ARHGAP10: variants seen among roughly 807,000 people sequenced by gnomAD.
ARHGAP10 encodes the protein rho GTPase-activating protein 10.
ARHGAP10 carries 87 observed loss-of-function variants against 108.6 expected under a neutral mutation model. The observed-to-expected ratio is 0.80, with a 90% CI of 0.67 to 0.96. The LOEUF (loss-of-function observed/expected upper bound fraction) is 0.96. ARHGAP10 is among the 40% of genes least tolerant of loss of function. The pLI is 0.00. For synonymous variants in ARHGAP10, 347 were observed against 341.1 expected (o/e 1.02, Z -0.19); for missense variants, 939 against 954.5 (o/e 0.98, Z 0.21).
chr4:147,901,869 T>C (rs948594000), intron 10 of ARHGAP10, among the ~76,000 whole-genome samples: 6 of 152,202 alleles, frequency 3.9e-5, no homozygotes, highest in African/African-American at 1.4e-4. Flanking sequence ...CTTGAGTTAA[T>C]ATTATTTTTC....
intron 4 of ARHGAP10, among the ~76,000 whole-genome samples, chr4:147,851,002 A>G (rs1382172585): frequency 2.0e-5 from 3 of 152,186 alleles, no homozygotes; most frequent in Non-Finnish European, 2.9e-5. Context: ...TTTTTTGGAC[A>G]TTTGACCAAG....
chr4:147,988,230 G>A (rs545107375), intron 18 of ARHGAP10, among the ~76,000 whole-genome samples: 12 of 152,284 alleles, frequency 7.9e-5, no homozygotes, highest in African/African-American at 2.4e-4. Flanking sequence ...TCAAACCTGA[G>A]CCTATTGGTT....
At chr4:147,803,695 G>T (rs1452625962) in intron 1 of ARHGAP10, among the ~76,000 whole-genome samples, 1 of 152,154 alleles carries the variant, frequency 6.6e-6, no homozygotes, top group Non-Finnish European at 1.5e-5. Flanking sequence ...TTGTCTTTCT[G>T]TGTGTGGCTT....
chr4:147,976,814 C>T (rs1739613385), intron 18 of ARHGAP10, among the ~76,000 whole-genome samples: 1 of 152,132 alleles, frequency 6.6e-6, no homozygotes, highest in South Asian at 2.1e-4. Context: ...AGTCATTCTG[C>T]ATCATTTTAG....
At chr4:148,003,491 T>C (rs996643716) in intron 18 of ARHGAP10, among the ~76,000 whole-genome samples, 3 of 152,214 alleles carry the variant, frequency 2.0e-5, no homozygotes, top group Admixed American at 2.0e-4. Context: ...CTCGTTGATC[T>C]GTCTAATGTT....
intron 3 of ARHGAP10, among the ~76,000 whole-genome samples, chr4:147,838,939 A>G (rs530676436): frequency 1.6e-4 from 25 of 152,314 alleles, no homozygotes; most frequent in African/African-American, 5.5e-4. Flanking sequence ...GATTAGGGCT[A>G]TTTTAGGCTA....
chr4:147,768,970 T>A (rs1729956510), intron 1 of ARHGAP10, among the ~76,000 whole-genome samples: 1 of 152,120 alleles, frequency 6.6e-6, no homozygotes, highest in Non-Finnish European at 1.5e-5. Context: ...ACTCCTGACT[T>A]CAAGTGATCT....
intron 1 of ARHGAP10, among the ~76,000 whole-genome samples, chr4:147,793,156 GTGTA>G (rs1321077696): frequency 4.0e-5 from 6 of 151,448 alleles, no homozygotes; most frequent in African/African-American, 1.2e-4. Context: ...GAAAATGTGT[GTGTA>G]TGTATGTGTG....
At chr4:148,054,665 C>T (rs1171141671) in intron 20 of ARHGAP10, among the ~76,000 whole-genome samples, 1 of 152,210 alleles carries the variant, frequency 6.6e-6, no homozygotes, top group African/African-American at 2.4e-5. Context: ...TGGGGCTTCT[C>T]TCCTAGCCTC....
In ARHGAP10 at chr4:148,067,380, G is replaced by A. The variant is rs572740763; in HGVS notation, c.2272+2873G>A. Among the ~76,000 whole-genome samples, 3 of 152,316 alleles carry A rather than the reference G, an allele frequency of 2.0e-5. No individual in the cohort carries two copies. The South Asian group carries it at 6.2e-4, about 32-fold the overall frequency. ...GCTTGCCCAGAACACATCTAGTGAA[G>A]CCCTTCCTTAAATGGCTATGGGGTC... On this transcript the variant is annotated intron_variant, in intron 22 of 22. Transcript: ENST00000336498.
chr4:148,031,372 AT>A (rs1728143071), intron 19 of ARHGAP10, among the ~76,000 whole-genome samples: 1 of 152,212 alleles, frequency 6.6e-6, no homozygotes, highest in African/African-American at 2.4e-5. Context: ...TTAAACTTAG[AT>A]AATATCCAGA....
chr4:147,870,928 C>G (rs1734789232), intron 7 of ARHGAP10, among the ~76,000 whole-genome samples: 1 of 139,052 alleles, frequency 7.2e-6, no homozygotes, highest in African/African-American at 2.6e-5. Context: ...AAACTACAGA[C>G]TGTGTGTGTG....
chr4:147,808,752 T>C (rs911582250), intron 1 of ARHGAP10, among the ~76,000 whole-genome samples: 3 of 152,088 alleles, frequency 2.0e-5, no homozygotes, highest in Non-Finnish European at 2.9e-5. Flanking sequence ...TTTGGAGCAT[T>C]CTCAACTCTG....
intron 1 of ARHGAP10, among the ~76,000 whole-genome samples, chr4:147,777,867 A>G (rs1184169719): frequency 1.3e-5 from 2 of 152,036 alleles, no homozygotes; most frequent in East Asian, 1.9e-4. Context: ...TAATAATCCA[A>G]GTTTCTAAAG....
At chr4:147,870,696 A>C (rs1734779827) in intron 7 of ARHGAP10, among the ~76,000 whole-genome samples, 1 of 152,156 alleles carries the variant, frequency 6.6e-6, no homozygotes, top group African/African-American at 2.4e-5. Context: ...CTCAAATTTA[A>C]AGAATATTTT....
At chr4:147,744,593 CAGAAG>C (rs1728828005) in intron 1 of ARHGAP10, among the ~76,000 whole-genome samples, 1 of 151,396 alleles carries the variant, frequency 6.6e-6, no homozygotes, top group Non-Finnish European at 1.5e-5. Context: ...ACTTTGGTGG[CAGAAG>C]AGGAGTCAAG....
chr4:147,891,935 C>T (rs1011286823), intron 10 of ARHGAP10, among the ~76,000 whole-genome samples: 1 of 151,956 alleles, frequency 6.6e-6, no homozygotes, highest in East Asian at 1.9e-4. Flanking sequence ...GCATGCTTGC[C>T]ACATGCCACT....
Position 148,047,105 on chromosome 4 carries a change from C to A in ARHGAP10, c.2027+54C>A, listed in dbSNP as rs1312336986. 6 of 1,591,936 alleles carry A rather than the reference C, an allele frequency of 3.8e-6. No individual in the cohort carries two copies. The East Asian group carries it at 1.3e-4, about 36-fold the overall frequency. On this transcript the variant is annotated intron_variant, in intron 20 of 22. Transcript: ENST00000336498. ...GAAGGGTGGAAGCCCTGACTTTGTT[C>A]ATTTTAAAGTTTCCATGAGCAGTGA...
At chr4:148,053,370 ACTGAC>A (rs1729225240) in intron 20 of ARHGAP10, among the ~76,000 whole-genome samples, 1 of 152,218 alleles carries the variant, frequency 6.6e-6, no homozygotes, top group Non-Finnish European at 1.5e-5. Flanking sequence ...AAGAGGGAGC[ACTGAC>A]CTTACATTAA....
Sources: allele counts gnomAD v4.1 joint callset (sites outside exome capture counted in the v4.1 genomes callset), GRCh38; gene constraint gnomAD v4.1.1; transcripts MANE v1.5; gene names NCBI Gene and HGNC (gene_info 2026-07-23, HGNC 2026-07-21).